The following ARHGAP6 variants were observed in gnomAD, a reference collection of about 807,000 sequenced individuals.
ARHGAP6 encodes rho GTPase-activating protein 6.
In ARHGAP6, 16 loss-of-function variants were observed where a neutral mutation model predicts 55.7. That is an observed-to-expected ratio of 0.29 (90% CI 0.19 to 0.44). ARHGAP6 has a LOEUF of 0.44. ARHGAP6 is among the 20% of genes least tolerant of loss of function. ARHGAP6 has a pLI of 1.00. For missense variants in ARHGAP6, 698 were observed against 808.9 expected (o/e 0.86, Z 1.66); for synonymous variants, 382 against 360.9 (o/e 1.06, Z -0.66).
At chrX:11,161,760 A>G (rs2045949040) in intron 9 of ARHGAP6, among the ~76,000 whole-genome samples, 1 of 112,354 alleles carries the variant, frequency 8.9e-6, no homozygotes, top group Non-Finnish European at 1.9e-5. Flanking sequence ...ACAGTCATCC[A>G]TTCGCTTTCA....
intron 1 of ARHGAP6, among the ~76,000 whole-genome samples, chrX:11,273,102 C>T (rs1214782549): frequency 9.1e-6 from 1 of 110,425 alleles, no homozygotes; most frequent in Non-Finnish European, 1.9e-5. Flanking sequence ...TTGCTTTTTC[C>T]CTACACCCCT....
At chrX:11,459,644 T>C (rs2050224957) in intron 1 of ARHGAP6, among the ~76,000 whole-genome samples, 1 of 112,136 alleles carries the variant, frequency 8.9e-6, no homozygotes, top group African/African-American at 3.2e-5. Flanking sequence ...TTTATTAAAC[T>C]ATTGCTCAAT....
At position 11,211,714 on chromosome X, in the gene ARHGAP6, T is replaced by G. The variant is rs1382603908; in HGVS notation, c.749-14718A>C. On this transcript the variant is annotated intron_variant, in intron 2 of 12. Transcript: ENST00000337414. ...ACCCGCCACCACACCTGGCTAATTT[T>G]TGTATTTTTAGTAGATAGCAGGTTT... 5.4e-5 allele frequency among the ~76,000 whole-genome samples: 6 copies of G among 110,462 alleles called. No individual in the cohort carries two copies. In the East Asian group the frequency reaches 1.4e-3, roughly 26 times the overall value.
At position 11,232,193 on chromosome X, in the gene ARHGAP6, A is replaced by T. The variant is rs181931889; in HGVS notation, c.748+22355T>A. 1.1e-3 allele frequency among the ~76,000 whole-genome samples: 125 copies of T among 111,706 alleles called. No homozygotes were observed. In the South Asian group the frequency reaches 0.011, roughly 10 times the overall value. ...CCCTAGAACTTATTTCTTCTCTCTA[A>T]CTGTATGTTTGTATCCATTGTCCAG... is the stretch of plus-strand genomic sequence containing the variant. On this transcript the variant is annotated intron_variant, in intron 2 of 12. Transcript: ENST00000337414.
At chrX:11,618,457 T>C (rs139182960) in intron 1 of ARHGAP6, among the ~76,000 whole-genome samples, 107 of 112,231 alleles carry the variant, frequency 9.5e-4, no homozygotes, top group African/African-American at 3.4e-3. Context: ...GAAATCTATA[T>C]GACTATGATT....
intron 8 of ARHGAP6, among the ~76,000 whole-genome samples, chrX:11,171,762 T>C (rs2046095311): frequency 9.0e-6 from 1 of 111,395 alleles, no homozygotes; most frequent in African/African-American, 3.3e-5. Context: ...AGATCATTCT[T>C]TGCTGTGGGG....
chrX:11,254,786 T>A, intron 1 of ARHGAP6, 79 bp from the exon 2 acceptor site: 2 of 1,021,047 alleles, frequency 2.0e-6, no homozygotes, highest in East Asian at 6.8e-5. Context: ...CATCCTCTCT[T>A]AGTAATAAAG....
intron 1 of ARHGAP6, chrX:11,351,608 C>T: frequency 1.3e-6 from 1 of 750,563 alleles, no homozygotes. Flanking sequence ...AACGAGGACT[C>T]CATTTCCCAT....
chrX:11,468,475 C>T (rs2050317323), intron 1 of ARHGAP6, among the ~76,000 whole-genome samples: 1 of 111,836 alleles, frequency 8.9e-6, no homozygotes, highest in Non-Finnish European at 1.9e-5. Flanking sequence ...CTGGTACCTT[C>T]TAGTGTTCTA....
At chrX:11,293,301 T>C (rs1376188234) in intron 1 of ARHGAP6, 1 of 111,976 alleles carries the variant, frequency 8.9e-6, no homozygotes, top group East Asian at 2.8e-4. Context: ...TTCTAAAAAA[T>C]CATGATACAG....
intron 1 of ARHGAP6, among the ~76,000 whole-genome samples, chrX:11,544,733 G>A (rs147962143): frequency 4.8e-3 from 540 of 111,766 alleles, no homozygotes; most frequent in African/African-American, 0.016. Context: ...TCTTTCTTGC[G>A]AATAAATTGA....
chrX:11,248,683 T>C (rs1375869288), intron 2 of ARHGAP6, among the ~76,000 whole-genome samples: 1 of 112,208 alleles, frequency 8.9e-6, no homozygotes, highest in Non-Finnish European at 1.9e-5. Flanking sequence ...ACATCACTAA[T>C]GATCAGGGAA....
At chrX:11,562,539 G>A (rs2051395798) in intron 1 of ARHGAP6, among the ~76,000 whole-genome samples, 1 of 111,333 alleles carries the variant, frequency 9.0e-6, no homozygotes, top group Admixed American at 9.6e-5. Context: ...TCATTTGAAT[G>A]TTAGGAAGGT....
intron 1 of ARHGAP6, among the ~76,000 whole-genome samples, chrX:11,485,459 G>A (rs2050502283): frequency 8.9e-6 from 1 of 112,180 alleles, no homozygotes; most frequent in East Asian, 2.8e-4. Flanking sequence ...AATATTCTGA[G>A]CTTACATAAT....
chrX:11,200,383 C>T (rs2046601925), intron 2 of ARHGAP6, among the ~76,000 whole-genome samples: 1 of 112,156 alleles, frequency 8.9e-6, no homozygotes, highest in Admixed American at 9.5e-5. Flanking sequence ...CATGAGAGAC[C>T]TCACAGACAC....
chrX:11,309,645 T>G (rs1177051956), intron 1 of ARHGAP6, among the ~76,000 whole-genome samples: 6 of 111,650 alleles, frequency 5.4e-5, no homozygotes, highest in Admixed American at 9.5e-5. Flanking sequence ...GCAGTATGAT[T>G]GCTGGAGGGA....
chrX:11,446,951 C>T (rs1235189870), intron 1 of ARHGAP6, among the ~76,000 whole-genome samples: 2 of 111,751 alleles, frequency 1.8e-5, no homozygotes, highest in African/African-American at 6.5e-5. Context: ...TCTCTAAATG[C>T]TAGGAACAGA....
intron 1 of ARHGAP6, among the ~76,000 whole-genome samples, chrX:11,450,102 G>A (rs781045123): frequency 9.0e-6 from 1 of 111,560 alleles, no homozygotes; most frequent in East Asian, 2.8e-4. Context: ...TTAAGGGAGA[G>A]CTTCCCAGAA....
rs191695095 is a variant in ARHGAP6 at position 11,360,070 on chromosome X, C to A, written c.589-105363G>T. Among the ~76,000 whole-genome samples the A allele has an allele frequency of 5.2e-3, 577 of 111,465 alleles. 2 individuals are homozygous for A. Among genetic ancestry groups the A allele is most frequent in the Non-Finnish European group, 7.2e-3 (381 of 53,072 alleles). On this transcript the variant is annotated intron_variant, in intron 1 of 12. Transcript: ENST00000337414. ...AGATGGATTCACAGCCGAATTCTAC[C>A]AGAGGTACAAGGAGGAACCAGTACC... is the stretch of plus-strand genomic sequence containing the variant.
Sources: gnomAD v4.1 joint callset for allele counts (sites outside exome capture counted in the v4.1 genomes callset) on GRCh38, gnomAD v4.1.1 for gene constraint, MANE v1.5 for transcripts, NCBI Gene and HGNC (gene_info 2026-07-23, HGNC 2026-07-21) for gene names.